Variants in ZNF148 observed in about 807,000 individuals in gnomAD.
ZNF148 encodes the protein Beta-Enolase Repressor Factor-1.
ZNF148 carries 7 observed loss-of-function variants against 67.7 expected under a neutral mutation model. The observed-to-expected ratio is 0.10, with a 90% confidence interval of 0.06 to 0.19. The LOEUF is 0.19. Ranked by LOEUF, ZNF148 falls within the 10% of genes least tolerant of loss-of-function variation. The pLI is 1.00. For missense variants in ZNF148, 583 were observed against 947.1 expected (o/e 0.62, Z 5.05); for synonymous variants, 333 against 330.7 (o/e 1.01, Z -0.08).
chr3:125,328,207 C>G (rs180938526), intron 2 of ZNF148, among the ~76,000 whole-genome samples: 1 of 152,154 alleles, frequency 6.6e-6, no homozygotes, highest in East Asian at 1.9e-4. Flanking sequence ...ATGCTACAAC[C>G]TGGAGCGAAA....
intron 1 of ZNF148, among the ~76,000 whole-genome samples, chr3:125,350,328 T>TA (rs1412643415): frequency 6.6e-6 from 1 of 151,458 alleles, no homozygotes; most frequent in African/African-American, 2.4e-5. Context: ...GCCCATCTAA[T>TA]TTTTTTTTGT....
Position 125,358,748 on chromosome 3 carries a change from A to G in ZNF148, c.-234+16354T>C, listed in dbSNP as rs1942446038. 2.0e-5 allele frequency among the ~76,000 whole-genome samples: 3 copies of G among 152,216 alleles called. No individual in the cohort carries two copies. The South Asian group carries it at 6.2e-4, about 32-fold the overall frequency. ...AAATTTTAATATTATATGTATCTACACATACAGGTGTGTACATATGACAAG... is the reference window on the plus strand; with the variant it reads ...AAATTTTAATATTATATGTATCTACGCATACAGGTGTGTACATATGACAAG... On this transcript the variant is annotated intron_variant, in intron 1 of 8. Coordinates refer to ENST00000360647, the MANE Select transcript of ZNF148 (RefSeq NM_021964.3).
intron 5 of ZNF148, among the ~76,000 whole-genome samples, chr3:125,280,512 T>A (rs937751543): frequency 6.6e-6 from 1 of 151,564 alleles, no homozygotes; most frequent in African/African-American, 2.4e-5. Flanking sequence ...GGAAACCCCG[T>A]CTCCACTAAA....
At chr3:125,236,530 G>A (rs1936098912) in intron 7 of ZNF148, among the ~76,000 whole-genome samples, 1 of 152,110 alleles carries the variant, frequency 6.6e-6, no homozygotes, top group African/African-American at 2.4e-5. Context: ...GGAAAAAAAT[G>A]TTGGGGGTGG....
intron 1 of ZNF148, among the ~76,000 whole-genome samples, chr3:125,347,955 T>C (rs1942006364): frequency 6.6e-6 from 1 of 152,156 alleles, no homozygotes; most frequent in Admixed American, 6.5e-5. Context: ...CATCATCCCA[T>C]ATACAAATAT....
At chr3:125,261,383 TA>T (rs1013890224) in intron 7 of ZNF148, among the ~76,000 whole-genome samples, 1 of 152,266 alleles carries the variant, frequency 6.6e-6, no homozygotes, top group African/African-American at 2.4e-5. Flanking sequence ...TCTGTTGGAG[TA>T]ACACAGTCAG....
chr3:125,346,085 A>T (rs1468210062), intron 1 of ZNF148, among the ~76,000 whole-genome samples: 1 of 152,186 alleles, frequency 6.6e-6, no homozygotes, highest in African/African-American at 2.4e-5. Context: ...TCCTCAACAA[A>T]ATACTAACCA....
intron 1 of ZNF148, among the ~76,000 whole-genome samples, chr3:125,355,581 G>T (rs952903648): frequency 3.9e-5 from 6 of 152,138 alleles, no homozygotes; most frequent in Non-Finnish European, 7.4e-5. Flanking sequence ...AGACAGGAAT[G>T]TTTTCCAGCA....
At chr3:125,373,832 A>G (rs984466729) in intron 1 of ZNF148, among the ~76,000 whole-genome samples, 1 of 152,296 alleles carries the variant, frequency 6.6e-6, no homozygotes, top group Middle Eastern at 3.4e-3. Flanking sequence ...AACTAATTTG[A>G]GCTACAAATG....
intron 4 of ZNF148, among the ~76,000 whole-genome samples, chr3:125,308,139 G>A (rs540919112): frequency 1.1e-4 from 17 of 152,190 alleles, no homozygotes; most frequent in African/African-American, 3.1e-4. Context: ...CAATACAATA[G>A]TGAAGAAACC....
At position 125,229,724 on chromosome 3, in the gene ZNF148, CCTCCATGTTTCA is replaced by C. The variant is rs1935777065; in HGVS notation, c.*2605_*2616del. Reference sequence around the variant, plus strand: ...TGAATTGCAGAAGAATATCTCATATCCTCCATGTTTCAATCTGAAGCAGCACACAAGGCTACT... The same window carrying C: ...TGAATTGCAGAAGAATATCTCATATCATCTGAAGCAGCACACAAGGCTACT... On this transcript the variant is annotated 3_prime_UTR_variant, in exon 9 of 9. Coordinates refer to ENST00000360647, the MANE Select transcript of ZNF148 (RefSeq NM_021964.3). The C allele has an allele frequency of 6.6e-6, 1 of 152,072 alleles. No individual in the cohort carries two copies. Among genetic ancestry groups the C allele is most frequent in the African/African-American group, 2.4e-5 (1 of 41,402 alleles). The allele number at this position is 152,072 out of a possible 1,614,324, so 9.4% of individuals were successfully genotyped here.
chr3:125,303,742 G>T (rs1174923368), intron 4 of ZNF148, among the ~76,000 whole-genome samples: 4 of 151,782 alleles, frequency 2.6e-5, no homozygotes, highest in African/African-American at 9.7e-5. Flanking sequence ...GAAATAAAGT[G>T]CACAATACAT....
rs554951009 is a variant in ZNF148 at position 125,313,613 on chromosome 3, A to G, written c.28T>C (p.Leu10=). The G allele has an allele frequency of 4.3e-6, 7 of 1,613,188 alleles. No homozygotes were observed. In the South Asian group the frequency reaches 5.5e-5, roughly 13 times the overall value. Residue 10 remains leucine (L), a synonymous_variant, in exon 4 of 9, where the codon TTG becomes CTG. Coordinates refer to ENST00000360647, the MANE Select transcript of ZNF148 (RefSeq NM_021964.3). ...TCTATGCCGCCACATTTAAGAAACA[A>G]TCCTTCCAGTTTGTCGTCAATGTTC... is the stretch of plus-strand genomic sequence containing the variant. MNIDDKLEG[L]FLKCGGIDEM...
chr3:125,316,165 C>A (rs1302115849), intron 3 of ZNF148, among the ~76,000 whole-genome samples: 3 of 152,144 alleles, frequency 2.0e-5, no homozygotes, highest in Non-Finnish European at 1.5e-5. Context: ...CGTGTTGTTG[C>A]AAATGACTGG....
At chr3:125,240,220 G>A (rs1306485422) in intron 7 of ZNF148, among the ~76,000 whole-genome samples, 1 of 152,100 alleles carries the variant, frequency 6.6e-6, no homozygotes, top group African/African-American at 2.4e-5. Context: ...AAAGCCGAGT[G>A]CAGCGCCTCA....
At chr3:125,260,871 G>C (rs1364446769) in intron 7 of ZNF148, among the ~76,000 whole-genome samples, 3 of 152,132 alleles carry the variant, frequency 2.0e-5, no homozygotes, top group Admixed American at 2.0e-4. Context: ...AAAATCCTGA[G>C]CTTTTTTGCA....
intron 3 of ZNF148, among the ~76,000 whole-genome samples, chr3:125,320,941 T>G (rs1404309467): frequency 6.6e-6 from 1 of 152,160 alleles, no homozygotes; most frequent in Non-Finnish European, 1.5e-5. Flanking sequence ...TCAACCGGCC[T>G]CCAGATCATT....
At chr3:125,287,746 T>A (rs1234003955) in intron 5 of ZNF148, among the ~76,000 whole-genome samples, 1 of 152,192 alleles carries the variant, frequency 6.6e-6, no homozygotes, top group African/African-American at 2.4e-5. Flanking sequence ...GAAGTTTACA[T>A]CCTATTAACA....
intron 2 of ZNF148, among the ~76,000 whole-genome samples, chr3:125,329,295 T>C (rs1292792641): frequency 1.4e-5 from 2 of 146,956 alleles, no homozygotes; most frequent in African/African-American, 5.0e-5. Context: ...TATGTATATA[T>C]GTATATTCAT....
Sources: allele counts gnomAD v4.1 joint callset (sites outside exome capture counted in the v4.1 genomes callset), GRCh38; gene constraint gnomAD v4.1.1; transcripts MANE v1.5; gene names NCBI Gene and HGNC (gene_info 2026-07-23, HGNC 2026-07-21).